Variants in ANO3 observed in about 807,000 individuals in gnomAD.
ANO3 encodes the protein anoctamin-3.
In ANO3, 99 loss-of-function variants were observed where a neutral mutation model predicts 144.8. The ratio of observed to expected loss-of-function variants is 0.68; its 90% CI spans 0.58 to 0.81. The LOEUF (loss-of-function observed/expected upper bound fraction) is 0.81. Among genes scored for constraint, ANO3 ranks in the 30% least tolerant of loss-of-function variants. ANO3 has a pLI of 0.00. For synonymous variants in ANO3, 414 were observed against 392.6 expected (o/e 1.05, Z -0.64); for missense variants, 905 against 1,202.2 (o/e 0.75, Z 3.66).
intron 12 of ANO3, among the ~76,000 whole-genome samples, chr11:26,552,300 AATTCACACGC>A (rs1450163939): frequency 6.8e-6 from 1 of 147,136 alleles, no homozygotes; most frequent in Non-Finnish European, 1.5e-5. Context: ...TACACATGGA[AATTCACACGC>A]ATTCTTTTTT....
chr11:26,189,596 T>C (rs1254206672), intron 1 of ANO3, among the ~76,000 whole-genome samples: 4 of 152,202 alleles, frequency 2.6e-5, no homozygotes, highest in African/African-American at 9.7e-5. Context: ...GTAATAGACT[T>C]TGTTCCTCTG....
intron 1 of ANO3, among the ~76,000 whole-genome samples, chr11:26,249,406 T>C (rs1852874898): frequency 6.6e-6 from 1 of 152,224 alleles, no homozygotes; most frequent in Non-Finnish European, 1.5e-5. Flanking sequence ...AGTGATATTT[T>C]AATTCCCGTT....
chr11:26,615,413 TA>T (rs142888316), intron 17 of ANO3, among the ~76,000 whole-genome samples: 9,053 of 103,670 alleles, frequency 0.087, 315 homozygotes, highest in Admixed American at 0.17. Flanking sequence ...TATATATATA[TA>T]TTTTTTTTTT....
chr11:26,453,357 T>C (rs1209889008), intron 3 of ANO3, among the ~76,000 whole-genome samples: 2 of 151,770 alleles, frequency 1.3e-5, no homozygotes, highest in South Asian at 4.1e-4. Context: ...GAGACACACA[T>C]AGGCTCAAAA....
In ANO3 at chr11:26,660,403, C is replaced by T. The variant is rs373975805; in HGVS notation, c.2905C>T (p.Arg969Trp). The T allele has an allele frequency of 2.4e-5, 38 of 1,612,356 alleles. No individual in the cohort carries two copies. The South Asian group carries it at 2.8e-4, about 12-fold the overall frequency. ...TGAACTGGAACATTTGCAACAACAACGGAGAAAAAGTGGTCAGCCTGTTCA... is the reference window on the plus strand; with the variant it reads ...TGAACTGGAACATTTGCAACAACAATGGAGAAAAAGTGGTCAGCCTGTTCA... ...EAELEHLQQQRRKSGQPVHHE... is the reference protein window; with the variant it reads ...EAELEHLQQQWRKSGQPVHHE... The change falls in exon 27 of 27, where the codon CGG (arginine) becomes TGG (tryptophan). Residue 969 changes from arginine to tryptophan, a missense_variant. Physicochemically the swap from Arg to Trp is moderately radical, Grantham distance 101 (BLOSUM62 -3). Transcript: ENST00000256737.
chr11:26,251,284 C>A (rs1309209455), intron 1 of ANO3, among the ~76,000 whole-genome samples: 1 of 152,104 alleles, frequency 6.6e-6, no homozygotes, highest in African/African-American at 2.4e-5. Context: ...GCACAGGAAG[C>A]AAACAGGGGG....
intron 1 of ANO3, among the ~76,000 whole-genome samples, chr11:26,338,598 C>T (rs1199753450): frequency 6.6e-6 from 1 of 152,192 alleles, no homozygotes; most frequent in Admixed American, 6.5e-5. Flanking sequence ...ATAAATCTTG[C>T]TGCTGCTCAG....
At chr11:26,196,373 G>A (rs1055560521) in intron 1 of ANO3, among the ~76,000 whole-genome samples, 1 of 151,958 alleles carries the variant, frequency 6.6e-6, no homozygotes. Flanking sequence ...CAGTAGATAA[G>A]CACAACTCAG....
chr11:26,241,235 C>T (rs1302409600), intron 1 of ANO3, among the ~76,000 whole-genome samples: 3 of 152,126 alleles, frequency 2.0e-5, no homozygotes, highest in Admixed American at 1.3e-4. Flanking sequence ...TAAGTCCATT[C>T]AACCTCTTTT....
At chr11:26,537,624 G>C (rs1280537330) in intron 10 of ANO3, among the ~76,000 whole-genome samples, 163 bp downstream of exon 10, 1 of 152,174 alleles carries the variant, frequency 6.6e-6, no homozygotes, top group Non-Finnish European at 1.5e-5. Flanking sequence ...GCTGTGCACT[G>C]GCTCCTCTGC....
chr11:26,489,678 A>C (rs1326446613), intron 4 of ANO3, among the ~76,000 whole-genome samples: 2 of 152,218 alleles, frequency 1.3e-5, no homozygotes, highest in Non-Finnish European at 2.9e-5. Flanking sequence ...CTCTTGCATC[A>C]CTGTGACCTG....
intron 3 of ANO3, among the ~76,000 whole-genome samples, chr11:26,453,755 AC>A (rs1859038687): frequency 6.6e-6 from 1 of 152,106 alleles, no homozygotes; most frequent in Non-Finnish European, 1.5e-5. Context: ...AGAACTCTCC[AC>A]CCCAAATCAA....
At chr11:26,458,299 G>A (rs2134050545) in intron 3 of ANO3, among the ~76,000 whole-genome samples, 1 of 152,160 alleles carries the variant, frequency 6.6e-6, no homozygotes, top group African/African-American at 2.4e-5. Flanking sequence ...AATGCAATAT[G>A]ACTGTCTCCA....
intron 1 of ANO3, among the ~76,000 whole-genome samples, chr11:26,276,511 A>G (rs1169583143): frequency 6.6e-6 from 1 of 152,178 alleles, no homozygotes. Context: ...TAGGATGGTC[A>G]TGCTGGTGTT....
chr11:26,191,665 A>G (rs1361929347), intron 1 of ANO3, among the ~76,000 whole-genome samples: 2 of 152,136 alleles, frequency 1.3e-5, no homozygotes, highest in Non-Finnish European at 2.9e-5. Flanking sequence ...CACATATTCC[A>G]CAAGTATAAT....
chr11:26,333,334 T>G lies in ANO3; in HGVS notation c.46+1013T>G, dbSNP rs182200523. On this transcript the variant is annotated intron_variant, in intron 1 of 26. Transcript: ENST00000256737. ...TCTCGCTCTGTTGCCCAGGCTGGAG[T>G]GCAGTGGCGCGATCTCGGCTCACTG... Among the ~76,000 whole-genome samples the G allele has an allele frequency of 8.7e-4, 131 of 150,918 alleles. 2 individuals carry two copies. The highest frequency in any genetic ancestry group is 2.9e-3 in the African/African-American group (118 of 41,060).
intron 1 of ANO3, chr11:26,288,022 T>G (rs939608357): frequency 6.6e-6 from 1 of 152,326 alleles, no homozygotes; most frequent in Non-Finnish European, 1.5e-5. Flanking sequence ...CTTCTCCAGA[T>G]ATACTATGCG....
intron 14 of ANO3, among the ~76,000 whole-genome samples, chr11:26,584,650 G>A (rs1851227620): frequency 6.6e-6 from 1 of 152,196 alleles, no homozygotes; most frequent in African/African-American, 2.4e-5. Context: ...TAAAAATCAT[G>A]TATAAGAACA....
intron 4 of ANO3, among the ~76,000 whole-genome samples, chr11:26,492,837 A>G (rs1255381613): frequency 6.6e-6 from 1 of 152,218 alleles, no homozygotes; most frequent in Non-Finnish European, 1.5e-5. Context: ...ATGAAGGCAG[A>G]GATTAGGAAA....
Sources: allele counts gnomAD v4.1 joint callset (sites outside exome capture counted in the v4.1 genomes callset), GRCh38; gene constraint gnomAD v4.1.1; transcripts MANE v1.5; gene names NCBI Gene and HGNC (gene_info 2026-07-23, HGNC 2026-07-21).